The following CSMD1 variants were observed in gnomAD, a reference collection of about 807,000 sequenced individuals.
CSMD1 encodes the protein CUB and Sushi multiple domains 1.
A neutral mutation model predicts 417.5 loss-of-function variants in CSMD1; 213 were observed. The ratio of observed to expected loss-of-function variants is 0.51; its 90% CI spans 0.46 to 0.57. The LOEUF (loss-of-function observed/expected upper bound fraction) is 0.57, where lower values mean the gene tolerates loss of function less well. Among genes scored for constraint, CSMD1 ranks in the 20% least tolerant of loss-of-function variants. CSMD1 has a pLI of 0.00. For missense variants in CSMD1, 6,923 were observed against 4,529.7 expected, an observed-to-expected ratio of 1.53 and a Z score of -15.17; for synonymous variants, 2,862 against 1,736.8, an observed-to-expected ratio of 1.65 and a Z score of -16.11.
At position 4,926,681 on chromosome 8, in the gene CSMD1, T is replaced by C. The variant is rs1806894263; in HGVS notation, c.85+67651A>G. Among the ~76,000 whole-genome samples, 3 of 152,192 alleles carry C rather than the reference T, an allele frequency of 2.0e-5. No homozygotes were observed. In the South Asian group the frequency reaches 6.2e-4, roughly 32 times the overall value. On this transcript the variant is annotated intron_variant, in intron 1 of 69. Transcript: ENST00000635120. ...TATGACCAGTATTCTTCTGGGCTTT[T>C]CTTTTTTTTCGGTCAGTTAATACAA... is the stretch of plus-strand genomic sequence containing the variant.
rs1554552766 is a variant in CSMD1 at position 3,439,309 on chromosome 8, A to AT, written c.1561+29402dup. On this transcript the variant is annotated intron_variant, in intron 12 of 69. Transcript: ENST00000635120. ...TATATATATATATATATATATATAT[A>AT]TTTTTTTTTTTAATATGTATTTTTA... Among the ~76,000 whole-genome samples the AT allele has an allele frequency of 6.1e-3, 383 of 62,324 alleles. 12 individuals are homozygous for AT. Among genetic ancestry groups the AT allele is most frequent in the African/African-American group, 0.014 (214 of 14,972 alleles). The allele number at this position is 62,324 out of a possible 152,430, so 40.9% of individuals were successfully genotyped here.
At chr8:4,890,246 G>A (rs1192539938) in intron 1 of CSMD1, among the ~76,000 whole-genome samples, 3 of 152,090 alleles carry the variant, frequency 2.0e-5, no homozygotes, top group East Asian at 3.9e-4. Flanking sequence ...GAAGCAGCAC[G>A]ATAGAGTGGA....
intron 5 of CSMD1, among the ~76,000 whole-genome samples, chr8:3,883,438 G>C (rs1466115005): frequency 6.6e-6 from 1 of 152,090 alleles, no homozygotes; most frequent in East Asian, 1.9e-4. Flanking sequence ...GTATGTTTGT[G>C]TATATATGTA....
chr8:4,097,692 T>C (rs933357393), intron 3 of CSMD1, among the ~76,000 whole-genome samples: 1 of 152,194 alleles, frequency 6.6e-6, no homozygotes, highest in African/African-American at 2.4e-5. Flanking sequence ...TTTTAGCCCT[T>C]GGAATTCAGA....
At chr8:3,439,309 A>ATATATTTTTTTTTT in intron 12 of CSMD1, among the ~76,000 whole-genome samples, 1 of 62,480 alleles carries the variant, frequency 1.6e-5, no homozygotes, top group Non-Finnish European at 2.9e-5. Flanking sequence ...ATATATATAT[A>ATATATTTTTTTTTT]TTTTTTTTTT....
intron 3 of CSMD1, among the ~76,000 whole-genome samples, chr8:4,213,593 A>T (rs1211113546): frequency 6.6e-6 from 1 of 152,186 alleles, no homozygotes; most frequent in Non-Finnish European, 1.5e-5. Context: ...GTGAAAGAAA[A>T]ATCAAATGTC....
At chr8:3,463,084 C>T (rs532521148) in intron 12 of CSMD1, among the ~76,000 whole-genome samples, 5 of 152,314 alleles carry the variant, frequency 3.3e-5, no homozygotes, top group Admixed American at 2.6e-4. Flanking sequence ...CGTGGACTTC[C>T]CAGAACTGTG....
intron 6 of CSMD1, among the ~76,000 whole-genome samples, chr8:3,710,903 G>A (rs931462184): frequency 6.6e-6 from 1 of 152,132 alleles, no homozygotes; most frequent in Non-Finnish European, 1.5e-5. Context: ...ATGGAGACAG[G>A]AGGGCAGGGC....
intron 1 of CSMD1, among the ~76,000 whole-genome samples, chr8:4,677,226 A>G (rs1805752853): frequency 6.6e-6 from 1 of 151,346 alleles, no homozygotes; most frequent in East Asian, 1.9e-4. Flanking sequence ...CTGTAGAAAT[A>G]ATGCTCAGGG....
chr8:3,632,643 T>C (rs1009125015), intron 7 of CSMD1, among the ~76,000 whole-genome samples: 2 of 152,178 alleles, frequency 1.3e-5, no homozygotes, highest in Non-Finnish European at 2.9e-5. Context: ...CCTTTACATT[T>C]AAAAAATAAT....
intron 26 of CSMD1, among the ~76,000 whole-genome samples, chr8:3,259,206 C>A (rs575903983): frequency 3.3e-5 from 5 of 152,306 alleles, no homozygotes; most frequent in East Asian, 1.9e-4. Flanking sequence ...AACAAAGACA[C>A]CTAAATAATC....
At chr8:4,441,771 C>A (rs546938720) in intron 2 of CSMD1, among the ~76,000 whole-genome samples, 2 of 152,188 alleles carry the variant, frequency 1.3e-5, no homozygotes, top group South Asian at 4.1e-4. Flanking sequence ...ATTTGACTGA[C>A]TAATCTTGGG....
At chr8:4,798,274 T>C (rs1309343413) in intron 1 of CSMD1, among the ~76,000 whole-genome samples, 2 of 152,180 alleles carry the variant, frequency 1.3e-5, no homozygotes, top group Non-Finnish European at 2.9e-5. Context: ...TTGTTTTCTG[T>C]CCTTGCGCTA....
intron 33 of CSMD1, among the ~76,000 whole-genome samples, chr8:3,194,773 T>C (rs1366708658): frequency 3.3e-5 from 5 of 151,890 alleles, no homozygotes; most frequent in African/African-American, 7.3e-5. Context: ...ACTGGCCTAA[T>C]TAACTATATT....
At chr8:3,084,341 T>C (rs2129004846) in intron 49 of CSMD1, among the ~76,000 whole-genome samples, 1 of 151,696 alleles carries the variant, frequency 6.6e-6, no homozygotes, top group East Asian at 2.0e-4. Flanking sequence ...CCGAGCAACA[T>C]GGTGAAACTC....
At chr8:4,413,992 G>A (rs544333128) in intron 3 of CSMD1, among the ~76,000 whole-genome samples, 1 of 152,116 alleles carries the variant, frequency 6.6e-6, no homozygotes, top group South Asian at 2.1e-4. Flanking sequence ...TACACTATGG[G>A]CTAATGGAGA....
chr8:4,135,200 G>A (rs1803344925), intron 3 of CSMD1, among the ~76,000 whole-genome samples: 1 of 152,024 alleles, frequency 6.6e-6, no homozygotes, highest in African/African-American at 2.4e-5. Context: ...TATCACTTCA[G>A]GACCAACAAT....
intron 19 of CSMD1, 45 bp downstream of exon 19, chr8:3,369,209 C>G (rs1809793971): frequency 1.1e-6 from 1 of 933,514 alleles, no homozygotes; most frequent in Admixed American, 2.1e-5. Flanking sequence ...GTTTTTCTGT[C>G]TCATTTATTA....
chr8:4,400,783 T>A (rs1360997765), intron 3 of CSMD1, among the ~76,000 whole-genome samples: 1 of 151,954 alleles, frequency 6.6e-6, no homozygotes, highest in Non-Finnish European at 1.5e-5. Context: ...TTTTCCTTTT[T>A]AAAAAACTAT....
Sources: gnomAD v4.1 joint callset for allele counts (sites outside exome capture counted in the v4.1 genomes callset) on GRCh38, gnomAD v4.1.1 for gene constraint, MANE v1.5 for transcripts, NCBI Gene and HGNC (gene_info 2026-07-23, HGNC 2026-07-21) for gene names.